Variants in MGAM observed in about 807,000 individuals in gnomAD.
The protein encoded by MGAM is alpha-1,4-glucosidase.
MGAM carries 253 observed loss-of-function variants against 358.8 expected under a neutral mutation model. That is an observed-to-expected ratio of 0.71 (90% CI 0.64 to 0.78). The LOEUF (loss-of-function observed/expected upper bound fraction) is 0.78. Ranked by LOEUF, MGAM falls within the 30% of genes least tolerant of loss-of-function variation. The pLI, the probability that MGAM is intolerant of heterozygous loss-of-function variation, is 0.00. For synonymous variants in MGAM, 1,105 were observed against 1,227.1 expected, an observed-to-expected ratio of 0.90 and a Z score of 2.08; for missense variants, 3,080 against 3,432.6, an observed-to-expected ratio of 0.90 and a Z score of 2.57.
rs750189006 is a variant in MGAM, at chr7:142,084,300, A to C, written c.6382-219A>C. Among the ~76,000 whole-genome samples, 7 of 145,796 alleles carry C rather than the reference A, an allele frequency of 4.8e-5. No individual in the cohort carries two copies. In the East Asian group the frequency reaches 6.1e-4, roughly 13 times the overall value. ...TTACCTACAGTGTCTCTAGGAATGG[A>C]GTGAAATCAGCTTTTCCATAATTTT... On this transcript the variant is annotated intron_variant, in intron 53 of 70. Transcript: ENST00000475668.
chr7:142,055,394 C>T (rs1026272828), intron 27 of MGAM, among the ~76,000 whole-genome samples, 164 bp from the exon 28 acceptor site: 3 of 151,984 alleles, frequency 2.0e-5, no homozygotes, highest in Non-Finnish European at 2.9e-5. Context: ...GGGCTTTTAG[C>T]GAGGATATCT....
chr7:142,064,563 G>A, intron 37 of MGAM, 41 bp downstream of exon 37: 1 of 1,553,768 alleles, frequency 6.4e-7, no homozygotes, highest in Non-Finnish European at 8.7e-7. Context: ...ACAACCTATA[G>A]CGATTGCCAG....
At chr7:142,049,140 T>G (rs1037702688) in intron 22 of MGAM, among the ~76,000 whole-genome samples, 5 of 152,180 alleles carry the variant, frequency 3.3e-5, no homozygotes, top group Non-Finnish European at 5.9e-5. Context: ...CTTATTTCAC[T>G]TAGTATAACG....
chr7:142,079,826 G>C (rs1715405719), intron 49 of MGAM, among the ~76,000 whole-genome samples: 1 of 146,246 alleles, frequency 6.8e-6, no homozygotes, highest in South Asian at 2.2e-4. Context: ...CCCGAATTCT[G>C]AGTTTTTGTA....
In MGAM at chr7:142,102,644, G is replaced by T; in HGVS notation, c.7978G>T (p.Gly2660Ter). The T allele has an allele frequency of 6.2e-7, 1 of 1,613,432 alleles. No homozygotes were observed. Among genetic ancestry groups the T allele is most frequent in the East Asian group, 2.2e-5 (1 of 44,862 alleles). Residue 2660 changes from glycine (G) to a stop codon, truncating the protein, a stop_gained, in exon 69 of 71, where the codon GGA becomes TGA. Transcript: ENST00000475668. LOFTEE classifies it high-confidence loss of function. ...TTTGTTTGCAGATACCTATGGGAAA[G>T]GACTCTATTACTTGGCCAGCTTTTC... The part of the protein sequence containing the change: ...DGQSIDTYGK[G>*]LYYLASFSAS...
intron 13 of MGAM, 129 bp downstream of exon 13, chr7:142,031,922 A>T (rs184850126): frequency 6.9e-5 from 41 of 597,048 alleles, no homozygotes; most frequent in Admixed American, 1.6e-4. Flanking sequence ...ATCACTCTCA[A>T]TATTCACTCT....
At chr7:142,104,744 C>G (rs1002366220) in intron 70 of MGAM, among the ~76,000 whole-genome samples, 1 of 152,168 alleles carries the variant, frequency 6.6e-6, no homozygotes, top group Non-Finnish European at 1.5e-5. Flanking sequence ...TTGTCGATTA[C>G]AAGACACGCT....
intron 1 of MGAM, among the ~76,000 whole-genome samples, chr7:142,003,900 CA>C (rs1367362905): frequency 8.0e-5 from 12 of 150,450 alleles, no homozygotes; most frequent in Admixed American, 6.6e-4. Flanking sequence ...GGTATTTTTC[CA>C]AAAAAAAGGC....
At chr7:142,084,877 T>C (rs1301966228) in intron 54 of MGAM, among the ~76,000 whole-genome samples, 1 of 146,634 alleles carries the variant, frequency 6.8e-6, no homozygotes, top group South Asian at 2.2e-4. Flanking sequence ...ATAAGCTGGC[T>C]CCAGGGCTCT....
intron 21 of MGAM, among the ~76,000 whole-genome samples, chr7:142,043,070 AATAT>A (rs1809259193): frequency 1.4e-5 from 1 of 73,122 alleles, no homozygotes; most frequent in African/African-American, 6.9e-5. Context: ...ATATACATAT[AATAT>A]CTAAATATAA....
chr7:142,075,286 G>A (rs116454716), intron 45 of MGAM, among the ~76,000 whole-genome samples: 1,861 of 146,344 alleles, frequency 0.013, 103 homozygotes, highest in African/African-American at 0.043. Flanking sequence ...TGGCTACTGT[G>A]AAGAAAGAAA....
intron 34 of MGAM, among the ~76,000 whole-genome samples, chr7:142,060,876 G>A (rs372524800): frequency 6.6e-5 from 10 of 151,860 alleles, no homozygotes; most frequent in East Asian, 1.9e-4. Context: ...GTCCTGCCCC[G>A]AGCCCCACCA....
chr7:142,067,986 A>ATATATTTTTTTT (rs1236775159), intron 42 of MGAM, among the ~76,000 whole-genome samples: 1 of 8,694 alleles, frequency 1.2e-4, no homozygotes, highest in African/African-American at 1.8e-4. Context: ...ATATATATAT[A>ATATATTTTTTTT]TTTTTTTTTT....
At chr7:142,045,217 G>GATATATATATTATATACATATATGT (rs1554472508) in intron 21 of MGAM, among the ~76,000 whole-genome samples, 2 of 63,486 alleles carry the variant, frequency 3.2e-5, no homozygotes, top group African/African-American at 1.1e-4. Context: ...TAACATATAT[G>GATATATATATTATATACATATATGT]TATATAATAT....
chr7:142,054,860 A>G lies in MGAM; in HGVS notation c.3266A>G (p.Lys1089Arg). 1 of 1,613,954 alleles carries G rather than the reference A, an allele frequency of 6.2e-7. No individual in the cohort carries two copies. Among genetic ancestry groups the G allele is most frequent in the Non-Finnish European group, 8.5e-7 (1 of 1,179,840 alleles). Residue 1089 changes from lysine to arginine, a missense_variant, in exon 27 of 71, where the codon AAG becomes AGG. By Grantham distance (26) the Lys-to-Arg change is conservative. This residue lies in a region of MGAM where 1,816 missense variants were observed against 1,840.5 expected (regional missense o/e 0.99). Transcript: ENST00000475668. ...CAACTCTATGATGTGCTCATTAAGA[A>G]GAATCCATTTGGGATTGAAATTCGC... ...EGQLYDVLIK[K>R]NPFGIEIRRK...
chr7:142,093,347 T>G (rs1815575658), intron 59 of MGAM, 65 bp from the exon 60 acceptor site: 2 of 1,478,308 alleles, frequency 1.4e-6, no homozygotes, highest in Non-Finnish European at 1.8e-6. Context: ...CCCAGTCCCT[T>G]GAAGAGAAGT....
At chr7:142,008,457 G>T (rs782532748) in intron 2 of MGAM, 49 bp from the exon 3 acceptor site, 8 of 1,537,002 alleles carry the variant, frequency 5.2e-6, no homozygotes, top group Non-Finnish European at 1.8e-6. Context: ...TTGAATGTCT[G>T]TGAAATTAAA....
rs768515846 is a variant in MGAM at position 142,102,659 on chromosome 7, G to A, written c.7993G>A (p.Ala2665Thr). ...CTATGGGAAAGGACTCTATTACTTG[G>A]CCAGCTTTTCTGCCAGCCAGGTGAG... is the stretch of plus-strand genomic sequence containing the variant. ...DTYGKGLYYL[A>T]SFSASQNTMQ... The change falls in exon 69 of 71, where the codon GCC becomes ACC. Residue 2665 changes from alanine (A) to threonine (T), a missense_variant. Coordinates refer to ENST00000475668, the MANE Select transcript of MGAM (RefSeq NM_001365693.1). 3.7e-6 allele frequency: 6 copies of A among 1,613,230 alleles called. 1 individual carries two copies. In the South Asian group the frequency reaches 6.6e-5, roughly 18 times the overall value.
intron 5 of MGAM, 23 bp from the exon 6 acceptor site, chr7:142,021,563 C>T (rs1806458786): frequency 1.2e-6 from 2 of 1,608,070 alleles, no homozygotes; most frequent in East Asian, 2.2e-5. Flanking sequence ...TTTGGCTTTC[C>T]TTCTATTTCT....
Sources: gnomAD v4.1 joint callset for allele counts (sites outside exome capture counted in the v4.1 genomes callset) on GRCh38, gnomAD v4.1.1 for gene constraint, gnomAD v4.1.1 regional missense constraint, MANE v1.5 for transcripts, NCBI Gene and HGNC (gene_info 2026-07-23, HGNC 2026-07-21) for gene names.